The following GNAS variants were observed in gnomAD, a reference collection of about 807,000 sequenced individuals.
GNAS encodes the protein protein ALEX.
In GNAS, 8 loss-of-function variants were observed where a neutral mutation model predicts 54.5. The observed-to-expected ratio is 0.15, with a 90% CI of 0.09 to 0.26. The LOEUF is 0.26. Ranked by LOEUF, GNAS falls within the 10% of genes least tolerant of loss-of-function variation. The pLI is 1.00. For synonymous variants in GNAS, 204 were observed against 191.4 expected, an observed-to-expected ratio of 1.07 and a Z score of -0.54; for missense variants, 170 against 529.8, an observed-to-expected ratio of 0.32 and a Z score of 6.67.
At chr20:58,855,936 G>C (rs1196184118) in intron 1 of GNAS, 1 of 385,500 alleles carries the variant, frequency 2.6e-6, no homozygotes, top group Non-Finnish European at 4.7e-6. Flanking sequence ...GCCATGGCCC[G>C]GGCAAAAAAC....
Position 58,910,477 on chromosome 20 carries a change from A to C in GNAS, c.1038+76A>C. On this transcript the variant is annotated intron_variant, in intron 12 of 12. Coordinates refer to ENST00000371085, the MANE Select transcript of GNAS (RefSeq NM_000516.7). This position sits in a 1 kb window ranked among gnomAD's most constrained non-coding sequence, Gnocchi z 5.8. ...ATGGATGTAAATTTACTTAATTCCA[A>C]ATTCAGGGGTTCAGCTACCCAGTTC... The C allele has an allele frequency of 7.8e-7, 1 of 1,279,924 alleles. No individual in the cohort carries two copies. Among genetic ancestry groups the C allele is most frequent in the South Asian group, 1.2e-5 (1 of 84,184 alleles). 79.3% of individuals were successfully genotyped at this position (1,279,924 alleles called of 1,614,324 possible).
intron 1 of GNAS, among the ~76,000 whole-genome samples, chr20:58,868,703 C>G (rs1448596964): frequency 6.6e-6 from 1 of 152,196 alleles, no homozygotes; most frequent in East Asian, 1.9e-4. Context: ...TTCTTTCTCA[C>G]TTTTCCTTTG....
At chr20:58,880,646 T>C (rs748607921) in intron 1 of GNAS, among the ~76,000 whole-genome samples, 2 of 152,204 alleles carry the variant, frequency 1.3e-5, no homozygotes, top group Non-Finnish European at 2.9e-5. Context: ...ATTACAATGA[T>C]GTTCTTGTTT....
At chr20:58,902,586 C>T (rs1414703175) in intron 3 of GNAS, among the ~76,000 whole-genome samples, 3 of 152,048 alleles carry the variant, frequency 2.0e-5, no homozygotes, top group Non-Finnish European at 4.4e-5. Flanking sequence ...TCTGACCTCC[C>T]CTCCCCCTTA....
chr20:58,851,380 G>A (rs1211019563), intron 1 of GNAS, among the ~76,000 whole-genome samples: 3 of 152,124 alleles, frequency 2.0e-5, no homozygotes, highest in Admixed American at 2.0e-4. Context: ...CGTGCGCCCT[G>A]CTTGCTGCAG....
intron 1 of GNAS, chr20:58,854,905 G>A (rs1388507499): frequency 1.3e-6 from 2 of 1,595,456 alleles, no homozygotes; most frequent in African/African-American, 1.3e-5. Context: ...CGGCCTACTC[G>A]CGCGTCTGCC....
At position 58,910,132 on chromosome 20, in the gene GNAS, C is replaced by G. The variant is rs1398139911; in HGVS notation, c.970+51C>G. 6.3e-7 allele frequency: 1 copy of G among 1,594,594 alleles called. No individual in the cohort carries two copies. Among genetic ancestry groups the G allele is most frequent in the African/African-American group, 1.3e-5 (1 of 74,608 alleles). On this transcript the variant is annotated intron_variant, in intron 11 of 12. Transcript: ENST00000371085. The surrounding 1 kb of genome is among the most constrained non-coding windows in gnomAD (Gnocchi z 5.8). ...GCTGTTCATTGCGGTGGTTCTTTTT[C>G]AAACGGTCAGGCTGAAAACCCCCAT... is the stretch of plus-strand genomic sequence containing the variant.
Position 58,909,140 on chromosome 20 carries a change from CGT to C in GNAS, c.531-19_531-18del, listed in dbSNP as rs1448238426. On this transcript the variant is annotated intron_variant, in intron 6 of 12. Transcript: ENST00000371085. This position sits in a 1 kb window ranked among gnomAD's most constrained non-coding sequence, Gnocchi z 7.3. The stretch of plus-strand genomic sequence containing the variant: ...TGATGTGAGCGCTGTGAACACCCCA[CGT>C]GTCTTTCTTTTTCTCCCAGCTTCCT... 2 of 1,609,590 alleles carry C rather than the reference CGT, an allele frequency of 1.2e-6. No individual in the cohort carries two copies. The highest frequency in any genetic ancestry group is 1.7e-6 in the Non-Finnish European group (2 of 1,175,910).
At chr20:58,894,979 G>T (rs2089906452) in intron 1 of GNAS, among the ~76,000 whole-genome samples, 1 of 152,178 alleles carries the variant, frequency 6.6e-6, no homozygotes, top group African/African-American at 2.4e-5. Flanking sequence ...TAGTTTGTGA[G>T]GAAAGAGGAG....
At chr20:58,879,173 G>T (rs139250068) in intron 1 of GNAS, among the ~76,000 whole-genome samples, 1 of 152,284 alleles carries the variant, frequency 6.6e-6, no homozygotes. Context: ...AATTAATATT[G>T]TTTGAGATTA....
chr20:58,908,825 AAAAAT>A (rs1000121475), intron 6 of GNAS: 1 of 347,890 alleles, frequency 2.9e-6, no homozygotes, highest in Non-Finnish European at 5.4e-6. Flanking sequence ...GAAAAATAGA[AAAAAT>A]AAAAATAAAC....
chr20:58,848,818 T>C (rs973379376), intron 1 of GNAS: 1 of 398,382 alleles, frequency 2.5e-6, no homozygotes, highest in Non-Finnish European at 4.4e-6. Context: ...CTCGAACATT[T>C]GGCCACACTT....
chr20:58,840,102 AGAG>A (rs774390751), upstream of GNAS: 9 of 1,610,618 alleles, frequency 5.6e-6, no homozygotes, highest in Admixed American at 1.3e-4. The surrounding 1 kb of genome is among the most constrained non-coding windows in gnomAD (Gnocchi z 6.0). Context: ...TGTGTGCCTA[AGAG>A]GATGGATCGG....
chr20:58,903,371 CTA>C (rs2090804209), intron 3 of GNAS, 158 bp from the exon 4 acceptor site: 1 of 736,364 alleles, frequency 1.4e-6, no homozygotes, highest in Non-Finnish European at 2.4e-6. Flanking sequence ...TAATTTGCAA[CTA>C]TGTTTATTCA....
At chr20:58,899,193 TA>T (rs1159082957) in intron 3 of GNAS, among the ~76,000 whole-genome samples, 2 of 152,232 alleles carry the variant, frequency 1.3e-5, no homozygotes, top group African/African-American at 4.8e-5. Flanking sequence ...TGGCCATGCT[TA>T]AAGTAGAATG....
rs540794270 is a variant in GNAS, at chr20:58,857,087, A to G, written c.43+16201A>G. The G allele has an allele frequency of 4.6e-5, 7 of 152,282 alleles. No homozygotes were observed. Among genetic ancestry groups the G allele is most frequent in the African/African-American group, 1.7e-4 (7 of 41,554 alleles). 9.4% of individuals were successfully genotyped at this position (152,282 alleles called of 1,614,324 possible). A position where few individuals can be genotyped will look rare whatever the true frequency, so the allele number is the denominator to read the frequency against. ...TAATTTTTACATTTTATTCTCTAAG[A>G]CTTTCTCTAAGACCTTCCAAGGGAT... On this transcript the variant is annotated intron_variant, in intron 1 of 12. Coordinates refer to the GNAS transcript ENST00000306090. This position sits in a 1 kb window ranked among gnomAD's most constrained non-coding sequence, Gnocchi z 4.1.
intron 5 of GNAS, 40 bp downstream of exon 5, chr20:58,903,831 A>T (rs775005694): frequency 6.2e-7 from 1 of 1,612,148 alleles, no homozygotes; most frequent in Non-Finnish European, 8.5e-7. Flanking sequence ...AGCCCCGCCC[A>T]CCTGAGCACA....
rs2085689038 is a variant in GNAS, at chr20:58,840,885, A to C, written c.42A>C (p.Ser14=). ...AGATTCTCCTTGTTTTCATGGATTC[A>C]GGTTAGTTGCCCACCGCTAAACTGG... Residue 14 remains serine (S), a splice_region_variant and synonymous_variant, in exon 1 of 13, where the codon TCA becomes TCC. Transcript: ENST00000306090. This position sits in a 1 kb window ranked among gnomAD's most constrained non-coding sequence, Gnocchi z 6.0. 1.2e-6 allele frequency: 2 copies of C among 1,612,454 alleles called. No individual in the cohort carries two copies. Among genetic ancestry groups the C allele is most frequent in the Non-Finnish European group, 1.7e-6 (2 of 1,179,834 alleles).
rs959738522 is a variant in GNAS, at chr20:58,853,923, C to G, written c.43+13037C>G. ...CTCCAGAGGAGGCTACAGCCCTCCC[C>G]CTGAGGAGACTATGCCATTTGAGCT... On this transcript the variant is annotated intron_variant, in intron 1 of 12. Transcript: ENST00000306090. This position sits in a 1 kb window ranked among gnomAD's most constrained non-coding sequence, Gnocchi z 4.4. 2 of 1,610,546 alleles carry G rather than the reference C, an allele frequency of 1.2e-6. No homozygotes were observed. Among genetic ancestry groups the G allele is most frequent in the African/African-American group, 1.3e-5 (1 of 75,024 alleles).
Sources: gnomAD v4.1 joint callset for allele counts (sites outside exome capture counted in the v4.1 genomes callset) on GRCh38, gnomAD v4.1.1 for gene constraint, Gnocchi (gnomAD v3.1) non-coding constraint, MANE v1.5 for transcripts, NCBI Gene and HGNC (gene_info 2026-07-23, HGNC 2026-07-21) for gene names.